The following ANK1 variants were observed in gnomAD, a reference collection of about 807,000 sequenced individuals.
ANK1 encodes the protein ankyrin 1, also known as ankyrin-1.
ANK1 carries 51 observed loss-of-function variants against 210.4 expected under a neutral mutation model. That is an observed-to-expected ratio of 0.24 (90% confidence interval 0.19 to 0.31). The LOEUF is 0.31. ANK1 is among the 10% of genes least tolerant of loss of function. ANK1 has a pLI of 1.00. For synonymous variants in ANK1, 967 were observed against 1,025.9 expected (o/e 0.94, Z 1.10); for missense variants, 2,051 against 2,504.4 (o/e 0.82, Z 3.86).
intron 16 of ANK1, among the ~76,000 whole-genome samples, chr8:41,709,864 G>A (rs989245854): frequency 1.3e-5 from 2 of 152,188 alleles, no homozygotes; most frequent in African/African-American, 4.8e-5. Context: ...AGGAGTTGGA[G>A]GCTGCAGTGA....
intron 37 of ANK1, among the ~76,000 whole-genome samples, chr8:41,683,553 C>T (rs968453786): frequency 2.6e-5 from 4 of 152,246 alleles, no homozygotes; most frequent in Admixed American, 6.5e-5. Context: ...GCTTGAGGAG[C>T]ATACACATCA....
chr8:41,748,572 T>A (rs888027358), intron 2 of ANK1, among the ~76,000 whole-genome samples: 2 of 152,196 alleles, frequency 1.3e-5, no homozygotes, highest in African/African-American at 4.8e-5. Flanking sequence ...CAGCAATTCC[T>A]GTTTCCCAGT....
chr8:41,753,007 G>A (rs2150705279), intron 2 of ANK1, among the ~76,000 whole-genome samples: 1 of 150,770 alleles, frequency 6.6e-6, no homozygotes, highest in Admixed American at 6.6e-5. Flanking sequence ...CTGTGCAGGT[G>A]TTAAATGCTG....
chr8:41,801,895 TTG>T (rs1163085394), upstream of ANK1, among the ~76,000 whole-genome samples: 3 of 152,248 alleles, frequency 2.0e-5, no homozygotes, highest in Non-Finnish European at 2.9e-5. Flanking sequence ...TCTTTATGGT[TTG>T]TGTTTCTTTT....
chr8:41,728,796 T>C (rs1831375520), intron 3 of ANK1, among the ~76,000 whole-genome samples: 1 of 152,256 alleles, frequency 6.6e-6, no homozygotes, highest in Admixed American at 6.5e-5. Flanking sequence ...GAACATCTAA[T>C]CTGCTGTGTG....
chr8:41,678,003 G>T (rs1814756622), intron 37 of ANK1, among the ~76,000 whole-genome samples: 1 of 152,044 alleles, frequency 6.6e-6, no homozygotes, highest in Non-Finnish European at 1.5e-5. Flanking sequence ...TTCACCACTG[G>T]TTTTGACCAG....
intron 37 of ANK1, among the ~76,000 whole-genome samples, chr8:41,679,688 G>C (rs867180331): frequency 1.0e-4 from 15 of 149,120 alleles, no homozygotes; most frequent in African/African-American, 3.7e-4. Context: ...TCAGCCTCCC[G>C]AGTAGCTGGG....
rs190331464 is a variant in ANK1 at position 41,746,705 on chromosome 8, C to G, written c.129+11331G>C. ...CTGTGCTCTGAGAAATCCTGCATCT[C>G]AGCAGCAAATCAACTGCAGAGGCTG... On this transcript the variant is annotated intron_variant, in intron 2 of 42. Transcript: ENST00000289734. Among the ~76,000 whole-genome samples, 550 of 152,254 alleles carry G rather than the reference C, an allele frequency of 3.6e-3. 5 individuals carry two copies. Among genetic ancestry groups the G allele is most frequent in the African/African-American group, 0.012 (511 of 41,536 alleles).
At chr8:41,804,365 A>G (rs1264509583) in intron 1 of ANK1, among the ~76,000 whole-genome samples, 1 of 152,244 alleles carries the variant, frequency 6.6e-6, no homozygotes, top group Non-Finnish European at 1.5e-5. Context: ...CACTTCTGCC[A>G]CATTCTATTT....
chr8:41,740,425 G>T (rs1444587306), intron 2 of ANK1, among the ~76,000 whole-genome samples: 1 of 151,692 alleles, frequency 6.6e-6, no homozygotes, highest in Non-Finnish European at 1.5e-5. Flanking sequence ...CTCCCAAAGT[G>T]CTGGGATTAC....
At chr8:41,783,033 C>G (rs1182367605) in intron 1 of ANK1, among the ~76,000 whole-genome samples, 1 of 152,180 alleles carries the variant, frequency 6.6e-6, no homozygotes, top group Non-Finnish European at 1.5e-5. Flanking sequence ...ACCAGCCAAG[C>G]AAACTATCAA....
chr8:41,769,032 C>G (rs144793994), intron 1 of ANK1, among the ~76,000 whole-genome samples: 9 of 151,200 alleles, frequency 6.0e-5, no homozygotes, highest in Non-Finnish European at 1.5e-5. Flanking sequence ...AAGCCAGGTA[C>G]GCTTCAAAGC....
chr8:41,746,671 G>A (rs1387339163), intron 2 of ANK1, among the ~76,000 whole-genome samples: 3 of 152,086 alleles, frequency 2.0e-5, no homozygotes, highest in South Asian at 2.1e-4. Context: ...TACAGAACTC[G>A]CAGCAGCCCT....
intron 1 of ANK1, among the ~76,000 whole-genome samples, chr8:41,878,801 GC>G (rs1817062948): frequency 6.6e-6 from 1 of 152,280 alleles, no homozygotes; most frequent in East Asian, 1.9e-4. Context: ...GGTGGTTCAT[GC>G]CTATAATCTC....
intron 20 of ANK1, 115 bp downstream of exon 20, chr8:41,703,926 T>C: frequency 1.0e-6 from 1 of 959,330 alleles, no homozygotes; most frequent in Middle Eastern, 2.1e-4. Flanking sequence ...TTTAGGGTGC[T>C]GCGGCCCCGT....
intron 7 of ANK1, 86 bp from the exon 8 acceptor site, chr8:41,723,719 C>G: frequency 8.9e-7 from 1 of 1,124,120 alleles, no homozygotes; most frequent in Non-Finnish European, 1.3e-6. Context: ...GTCCCCAGCC[C>G]CCAGTCCCCA....
intron 20 of ANK1, 79 bp from the exon 21 acceptor site, chr8:41,702,223 G>C (rs1390002388): frequency 6.6e-6 from 8 of 1,206,964 alleles, no homozygotes; most frequent in East Asian, 4.7e-5. Flanking sequence ...GACACAGATC[G>C]AGTTCACCTT....
At chr8:41,717,082 A>G (rs533837544) in intron 12 of ANK1, 31 bp from the exon 13 acceptor site, 14 of 1,609,960 alleles carry the variant, frequency 8.7e-6, no homozygotes, top group Admixed American at 1.7e-5. Context: ...AGAACTGTTC[A>G]TACATGCCTG....
intron 1 of ANK1, among the ~76,000 whole-genome samples, chr8:41,792,793 C>T (rs1448856662): frequency 2.6e-5 from 4 of 152,182 alleles, no homozygotes; most frequent in South Asian, 2.1e-4. Context: ...TCCACGCAAA[C>T]CCTAGAGCAA....
Sources: gnomAD v4.1 joint callset for allele counts (sites outside exome capture counted in the v4.1 genomes callset) on GRCh38, gnomAD v4.1.1 for gene constraint, MANE v1.5 for transcripts, NCBI Gene and HGNC (gene_info 2026-07-23, HGNC 2026-07-21) for gene names.